Variants in PCP2 observed in about 807,000 individuals in gnomAD.
PCP2 encodes Purkinje cell protein 2.
PCP2 carries 21 observed loss-of-function variants against 18.3 expected under a neutral mutation model. That is an observed-to-expected ratio of 1.14 (90% CI 0.81 to 1.65). PCP2 has a LOEUF of 1.65. PCP2 is among the 40% of genes most tolerant of loss of function. The pLI, the probability that PCP2 is intolerant of heterozygous loss-of-function variation, is 0.00. For synonymous variants in PCP2, 85 were observed against 77.6 expected (o/e 1.10, Z -0.50); for missense variants, 202 against 201.8 (o/e 1.00, Z 0.00).
intron 3 of PCP2, 69 bp from the exon 4 acceptor site, chr19:7,631,877 GGA>G: frequency 7.4e-7 from 1 of 1,353,936 alleles, no homozygotes; most frequent in Non-Finnish European, 9.6e-7. Flanking sequence ...GGCGAACAAT[GGA>G]GAGAGGGTGC....
chr19:7,636,999 T>A, upstream of PCP2: 3 of 869,526 alleles, frequency 3.5e-6, no homozygotes, highest in Non-Finnish European at 1.5e-6. Flanking sequence ...CTCAACTTCC[T>A]GGGCCTGGGC....
At chr19:7,633,327 G>A in intron 1 of PCP2, 80 bp downstream of exon 1, 1 of 1,345,200 alleles carries the variant, frequency 7.4e-7, no homozygotes, top group Non-Finnish European at 1.0e-6. Flanking sequence ...TCGTTAATTA[G>A]GTGCCCTACA....
chr19:7,635,823 G>C (rs1350734956), upstream of PCP2, among the ~76,000 whole-genome samples: 2 of 152,116 alleles, frequency 1.3e-5, no homozygotes, highest in Non-Finnish European at 2.9e-5. Context: ...GTTTGCCTGT[G>C]ACTGTCCTAT....
At chr19:7,631,856 C>T (rs768618227) in intron 3 of PCP2, 48 bp from the exon 4 acceptor site, 28 of 1,369,582 alleles carry the variant, frequency 2.0e-5, no homozygotes, top group Admixed American at 1.4e-4. Flanking sequence ...AGGGCAGTGC[C>T]GGCCACAGGT....
At chr19:7,633,109 A>T (rs1250062444) in intron 1 of PCP2, 1 of 1,064,010 alleles carries the variant, frequency 9.4e-7, no homozygotes, top group African/African-American at 1.6e-5. Flanking sequence ...GCCGTCCTAG[A>T]TTGGGGCCTG....
chr19:7,632,576 C>T lies in PCP2; in HGVS notation c.167-59G>A. On this transcript the variant is annotated intron_variant, in intron 2 of 3. Transcript: ENST00000311069. This position sits in a 1 kb window ranked among gnomAD's most constrained non-coding sequence, Gnocchi z 5.2. The stretch of plus-strand genomic sequence containing the variant: ...GCCGGAGTGGGGGCCCCCAACCCTA[C>T]CCCTTCACCCCCACACAGATGCTTC... The T allele has an allele frequency of 5.0e-6, 8 of 1,601,636 alleles. No individual in the cohort carries two copies. Among genetic ancestry groups the T allele is most frequent in the Non-Finnish European group, 6.0e-6 (7 of 1,174,938 alleles).
Position 7,631,689 on chromosome 19 carries a change from T to C in PCP2, c.411A>G (p.Ter137TrpextTer18). The stretch of plus-strand genomic sequence containing the variant: ...GTGAGACCCAGGATGCCTCAGGCCC[T>C]CAGGGGGCTTGTGTCGGGGGCTGGG... ...SSPQPPTQAP[*>W] is the part of the protein sequence containing the mutation. Residue 137 changes from the stop codon to tryptophan, a stop_lost, in exon 4 of 4, where the codon TGA becomes TGG. Coordinates refer to ENST00000311069, the MANE Select transcript of PCP2 (RefSeq NM_174895.3). 1 of 1,453,704 alleles carries C rather than the reference T, an allele frequency of 6.9e-7. No homozygotes were observed. Among genetic ancestry groups the C allele is most frequent in the Non-Finnish European group, 9.1e-7 (1 of 1,102,166 alleles). The allele number at this position is 1,453,704 out of a possible 1,614,324, so 90.1% of individuals were successfully genotyped here.
rs773925531 is a variant in PCP2 at position 7,632,527 on chromosome 19, C to T, written c.167-10G>A. 12 of 1,612,178 alleles carry T rather than the reference C, an allele frequency of 7.4e-6. No homozygotes were observed. In the Admixed American group the frequency reaches 8.3e-5, roughly 11 times the overall value. ...GGGGTGGGGTCGCTCTCTGCGTGGACGTTCACAGACTTGGGAGGACACAGC... is the reference window on the plus strand; with the variant it reads ...GGGGTGGGGTCGCTCTCTGCGTGGATGTTCACAGACTTGGGAGGACACAGC... On this transcript the variant is annotated splice_polypyrimidine_tract_variant and intron_variant, in intron 2 of 3. Coordinates refer to ENST00000311069, the MANE Select transcript of PCP2 (RefSeq NM_174895.3). This position sits in a 1 kb window ranked among gnomAD's most constrained non-coding sequence, Gnocchi z 5.2.
At chr19:7,635,634 T>C (rs1407822132), upstream of PCP2, among the ~76,000 whole-genome samples, 1 of 152,094 alleles carries the variant, frequency 6.6e-6, no homozygotes, top group African/African-American at 2.4e-5. Context: ...AAGTCGAGGC[T>C]GCAGTGAGCT....
chr19:7,631,660 C>A lies in PCP2; in HGVS notation c.*29G>T. 6.8e-7 allele frequency: 1 copy of A among 1,460,954 alleles called. No individual in the cohort carries two copies. 90.5% of individuals were successfully genotyped at this position (1,460,954 alleles called of 1,614,324 possible). A position where few individuals can be genotyped will look rare whatever the true frequency, so the allele number is the denominator to read the frequency against. ...TTATTCTTTTATCAGTTTTTGGGGG[C>A]CGAGTGAGACCCAGGATGCCTCAGG... On this transcript the variant is annotated 3_prime_UTR_variant, in exon 4 of 4. Coordinates refer to ENST00000311069, the MANE Select transcript of PCP2 (RefSeq NM_174895.3).
At chr19:7,634,781 T>A (rs1477007848), upstream of PCP2, among the ~76,000 whole-genome samples, 1 of 152,210 alleles carries the variant, frequency 6.6e-6, no homozygotes, top group African/African-American at 2.4e-5. Flanking sequence ...TCAGGAGCCC[T>A]CCTTGCCCCT....
upstream of PCP2, chr19:7,636,138 C>A (rs1362478216): frequency 6.6e-6 from 1 of 152,202 alleles, no homozygotes; most frequent in Non-Finnish European, 1.5e-5. Context: ...TTTCCTATCT[C>A]CCCCAGACCT....
At chr19:7,634,326 G>A (rs1025471175), upstream of PCP2, among the ~76,000 whole-genome samples, 2 of 152,096 alleles carry the variant, frequency 1.3e-5, no homozygotes, top group Admixed American at 6.6e-5. Context: ...ACGCCTTTAC[G>A]GAAACCAGTG....
chr19:7,631,713 G>A lies in PCP2; in HGVS notation c.387C>T (p.Pro129=), dbSNP rs1208032890. Reference sequence around the variant, plus strand: ...CTCAGGGGGCTTGTGTCGGGGGCTGGGGGCTGCTGTTCCGACGGAAGCCGA... The same window carrying A: ...CTCAGGGGGCTTGTGTCGGGGGCTGAGGGCTGCTGTTCCGACGGAAGCCGA... ...TALGFRRNSS[P]QPPTQAP is the part of the protein sequence containing the mutation. Residue 129 remains proline, a synonymous_variant, in exon 4 of 4, where the codon CCC becomes CCT. Transcript: ENST00000311069. The A allele has an allele frequency of 6.9e-7, 1 of 1,453,716 alleles. No homozygotes were observed. The highest frequency in any genetic ancestry group is 9.1e-7 in the Non-Finnish European group (1 of 1,102,116). 90.1% of individuals were successfully genotyped at this position (1,453,716 alleles called of 1,614,324 possible).
Position 7,633,400 on chromosome 19 carries a change from C to A in PCP2, c.51+7G>T, listed in dbSNP as rs769648155. ...CTGGGGGTGGGGTGGGGGCAGGGCCCTCTCACCTCGGCACAGGGGCCTGAG... is the reference window on the plus strand; with the variant it reads ...CTGGGGGTGGGGTGGGGGCAGGGCCATCTCACCTCGGCACAGGGGCCTGAG... On this transcript the variant is annotated splice_region_variant and intron_variant, in intron 1 of 3. Coordinates refer to ENST00000311069, the MANE Select transcript of PCP2 (RefSeq NM_174895.3). 13 of 1,565,484 alleles carry A rather than the reference C, an allele frequency of 8.3e-6. No homozygotes were observed. Among genetic ancestry groups the A allele is most frequent in the Non-Finnish European group, 1.1e-5 (13 of 1,154,092 alleles).
chr19:7,633,602 T>G lies in PCP2; in HGVS notation c.-145A>C, dbSNP rs2031427216. ...TGCCCCATCTGCTCCCACCCAAGCT[T>G]AAGCCCCATAAAGATCATCCAGATA... On this transcript the variant is annotated 5_prime_UTR_variant, in exon 1 of 4. It removes the in-frame stop codon of an upstream open reading frame in the 5' UTR. Coordinates refer to ENST00000311069, the MANE Select transcript of PCP2 (RefSeq NM_174895.3). 2.8e-6 allele frequency: 2 copies of G among 727,012 alleles called. No individual in the cohort carries two copies. Among genetic ancestry groups the G allele is most frequent in the Admixed American group, 5.3e-5 (2 of 37,592 alleles). The allele number at this position is 727,012 out of a possible 1,614,324, so 45.0% of individuals were successfully genotyped here. A position where few individuals can be genotyped will look rare whatever the true frequency, so the allele number is the denominator to read the frequency against.
At chr19:7,635,935 AGCTCGGG>A (rs2031513076), upstream of PCP2, among the ~76,000 whole-genome samples, 1 of 152,038 alleles carries the variant, frequency 6.6e-6, no homozygotes, top group Non-Finnish European at 1.5e-5. Context: ...AGCCTTCTTA[AGCTCGGG>A]GCTCCTCCCT....
chr19:7,632,969 C>G lies in PCP2; in HGVS notation c.52-139G>C. ...AGCTCTCACCATGGTCCCCGCCGAT[C>G]CTCTCTGCAGAGCTGTTCTGAATGA... On this transcript the variant is annotated intron_variant, in intron 1 of 3. Transcript: ENST00000311069. This position sits in a 1 kb window ranked among gnomAD's most constrained non-coding sequence, Gnocchi z 5.2. The G allele has an allele frequency of 6.8e-7, 1 of 1,468,316 alleles. No individual in the cohort carries two copies. Among genetic ancestry groups the G allele is most frequent in the Non-Finnish European group, 9.0e-7 (1 of 1,112,504 alleles). 91.0% of individuals were successfully genotyped at this position (1,468,316 alleles called of 1,614,324 possible).
rs1361455939 is a variant in PCP2 at position 7,632,157 on chromosome 19, T to G, written c.291+236A>C. On this transcript the variant is annotated intron_variant, in intron 3 of 3. Transcript: ENST00000311069. The surrounding 1 kb of genome is among the most constrained non-coding windows in gnomAD (Gnocchi z 5.2). ...TTCTCCCTTTGGCCTCCCCAGAACC[T>G]TCAGACTTGGGGGCAGGAGCCACAA... The G allele has an allele frequency of 1.5e-6, 1 of 670,568 alleles. No homozygotes were observed. Among genetic ancestry groups the G allele is most frequent in the East Asian group, 2.8e-5 (1 of 35,694 alleles). 41.5% of individuals were successfully genotyped at this position (670,568 alleles called of 1,614,324 possible). A position where few individuals can be genotyped will look rare whatever the true frequency, so the allele number is the denominator to read the frequency against.
Sources: gnomAD v4.1 joint callset for allele counts (sites outside exome capture counted in the v4.1 genomes callset) on GRCh38, gnomAD v4.1.1 for gene constraint, Gnocchi (gnomAD v3.1) non-coding constraint, MANE v1.5 for transcripts, NCBI Gene and HGNC (gene_info 2026-07-23, HGNC 2026-07-21) for gene names.